WDR7: variants seen among roughly 807,000 people sequenced by gnomAD.
WDR7 encodes WD repeat-containing protein 7.
In WDR7, 46 loss-of-function variants were observed where a neutral mutation model predicts 169.4. The observed-to-expected ratio is 0.27, with a 90% CI of 0.21 to 0.35. WDR7 has a LOEUF of 0.35. Ranked by LOEUF, WDR7 falls within the 10% of genes least tolerant of loss-of-function variation. The pLI is 1.00. For synonymous variants in WDR7, 612 were observed against 666.8 expected, an observed-to-expected ratio of 0.92 and a Z score of 1.27; for missense variants, 1,534 against 1,859.3, an observed-to-expected ratio of 0.83 and a Z score of 3.22.
chr18:56,655,214 A>T (rs2024741145), intron 1 of WDR7, among the ~76,000 whole-genome samples: 1 of 152,212 alleles, frequency 6.6e-6, no homozygotes. Flanking sequence ...CAATAGTTAC[A>T]ATTTATACCA....
At chr18:56,727,158 T>G (rs1020844781) in intron 13 of WDR7, among the ~76,000 whole-genome samples, 3 of 152,244 alleles carry the variant, frequency 2.0e-5, no homozygotes, top group Non-Finnish European at 4.4e-5. Flanking sequence ...AAGCATTGTT[T>G]CAAATCCTTA....
chr18:57,007,525 A>G (rs2048079410), intron 26 of WDR7, among the ~76,000 whole-genome samples: 1 of 152,132 alleles, frequency 6.6e-6, no homozygotes, highest in Non-Finnish European at 1.5e-5. Flanking sequence ...ACTTTTTAAT[A>G]ATTGATTTTC....
chr18:56,938,719 C>G, intron 24 of WDR7, 37 bp downstream of exon 24: 1 of 1,607,294 alleles, frequency 6.2e-7, no homozygotes. Flanking sequence ...CATCAGCAAC[C>G]TAAATTAAAT....
chr18:56,771,566 C>T (rs28612912), intron 16 of WDR7, among the ~76,000 whole-genome samples: 1 of 144,054 alleles, frequency 6.9e-6, no homozygotes, highest in Non-Finnish European at 1.5e-5. Context: ...TACCCTCCCC[C>T]ACCCCCCCCC....
intron 13 of WDR7, among the ~76,000 whole-genome samples, chr18:56,727,279 TA>T (rs1238017807): frequency 6.6e-6 from 1 of 151,744 alleles, no homozygotes; most frequent in African/African-American, 2.4e-5. Flanking sequence ...TCAAAATCTT[TA>T]AATATTCAGG....
chr18:56,965,674 G>A (rs948094143), intron 26 of WDR7, among the ~76,000 whole-genome samples: 4 of 152,042 alleles, frequency 2.6e-5, no homozygotes, highest in African/African-American at 9.7e-5. Flanking sequence ...TTGAGTAGTT[G>A]TCACTGGCAA....
chr18:56,742,750 G>C (rs1279303410), intron 14 of WDR7, among the ~76,000 whole-genome samples: 1 of 152,150 alleles, frequency 6.6e-6, no homozygotes, highest in African/African-American at 2.4e-5. Context: ...ATTCAAGGAT[G>C]AGTAGATATA....
At chr18:56,850,160 C>T (rs1181531741) in intron 20 of WDR7, among the ~76,000 whole-genome samples, 2 of 152,182 alleles carry the variant, frequency 1.3e-5, no homozygotes, top group African/African-American at 4.8e-5. Context: ...CCCAGATTGC[C>T]CAATCTAAAG....
At position 56,754,143 on chromosome 18, in the gene WDR7, C is replaced by T. The variant is rs117367571; in HGVS notation, c.1990-2440C>T. Among the ~76,000 whole-genome samples the T allele has an allele frequency of 7.8e-4, 118 of 150,898 alleles. 1 individual carries two copies. In the East Asian group the frequency reaches 0.02, roughly 26 times the overall value. On this transcript the variant is annotated intron_variant, in intron 14 of 27. Transcript: ENST00000254442. ...ATATATGTACACACACACTTTGGTCCGGGAAAGTACAAGTGGTTTGATTTG... is the reference window on the plus strand; with the variant it reads ...ATATATGTACACACACACTTTGGTCTGGGAAAGTACAAGTGGTTTGATTTG...
chr18:56,757,863 G>A (rs562870803), intron 15 of WDR7, among the ~76,000 whole-genome samples: 1 of 152,012 alleles, frequency 6.6e-6, no homozygotes, highest in African/African-American at 2.4e-5. Flanking sequence ...CAGCTACTTG[G>A]GGGGCTGAGG....
intron 14 of WDR7, among the ~76,000 whole-genome samples, chr18:56,754,481 T>C (rs1420415250): frequency 6.6e-6 from 1 of 151,786 alleles, no homozygotes; most frequent in Non-Finnish European, 1.5e-5. Context: ...TGTATATATG[T>C]ATATATACTT....
intron 22 of WDR7, among the ~76,000 whole-genome samples, chr18:56,930,737 T>C (rs1252184444): frequency 1.3e-5 from 2 of 152,210 alleles, no homozygotes; most frequent in Admixed American, 6.5e-5. Flanking sequence ...ATTTTAGAAG[T>C]CTTTGTTTTT....
intron 16 of WDR7, among the ~76,000 whole-genome samples, chr18:56,772,392 G>A (rs991165306): frequency 6.6e-6 from 1 of 152,166 alleles, no homozygotes; most frequent in Non-Finnish European, 1.5e-5. Context: ...CCACGTGGCA[G>A]ATACAAGCAG....
chr18:56,818,387 A>C (rs2045021744), intron 20 of WDR7, among the ~76,000 whole-genome samples: 1 of 152,242 alleles, frequency 6.6e-6, no homozygotes. Context: ...CTAAGAATGC[A>C]AATCTAATTT....
At chr18:56,707,014 C>T (rs866235170) in intron 12 of WDR7, among the ~76,000 whole-genome samples, 2 of 149,918 alleles carry the variant, frequency 1.3e-5, no homozygotes, top group Non-Finnish European at 3.0e-5. Context: ...GAGAGTCTCA[C>T]TCTGCCACCC....
At chr18:57,011,541 A>G (rs2048135800) in intron 26 of WDR7, among the ~76,000 whole-genome samples, 1 of 152,246 alleles carries the variant, frequency 6.6e-6, no homozygotes, top group Admixed American at 6.5e-5. Flanking sequence ...TGGTGATAGA[A>G]AATAATTCAT....
intron 22 of WDR7, among the ~76,000 whole-genome samples, chr18:56,934,546 C>T (rs28672941): frequency 0.015 from 2,289 of 152,046 alleles, 60 homozygotes; most frequent in African/African-American, 0.052. Context: ...GCCCCTGCTT[C>T]GTCTCTACCC....
At chr18:56,822,011 G>A (rs550936870) in intron 20 of WDR7, among the ~76,000 whole-genome samples, 1 of 151,832 alleles carries the variant, frequency 6.6e-6, no homozygotes, top group African/African-American at 2.4e-5. Context: ...TAAAAACAAA[G>A]GAAAAACTGG....
chr18:56,671,111 A>C (rs556864900), intron 1 of WDR7, among the ~76,000 whole-genome samples: 5 of 152,158 alleles, frequency 3.3e-5, no homozygotes, highest in Non-Finnish European at 5.9e-5. Context: ...ATCTATTACT[A>C]TCTCAAATTT....
Sources: gnomAD v4.1 joint callset for allele counts (sites outside exome capture counted in the v4.1 genomes callset) on GRCh38, gnomAD v4.1.1 for gene constraint, MANE v1.5 for transcripts, NCBI Gene and HGNC (gene_info 2026-07-23, HGNC 2026-07-21) for gene names.